The following SUGP2 variants were observed in gnomAD, a reference collection of about 807,000 sequenced individuals.
SUGP2 encodes the protein SURP and G-patch domain containing 2.
In SUGP2, 24 loss-of-function variants were observed where a neutral mutation model predicts 90.5. The ratio of observed to expected loss-of-function variants is 0.27; its 90% confidence interval spans 0.19 to 0.37. The LOEUF is 0.37. Ranked by LOEUF, SUGP2 falls within the 10% of genes least tolerant of loss-of-function variation. The probability of loss-of-function intolerance (pLI) is 1.00; values close to 1 mark genes in which losing one functional copy is unlikely to be tolerated. For synonymous variants in SUGP2, 473 were observed against 513.4 expected, an observed-to-expected ratio of 0.92 and a Z score of 1.06; for missense variants, 1,233 against 1,363.3, an observed-to-expected ratio of 0.90 and a Z score of 1.51.
Position 19,004,303 on chromosome 19 carries a change from C to A in SUGP2, c.2794G>T (p.Asp932Tyr). 6.2e-7 allele frequency: 1 copy of A among 1,613,760 alleles called. No homozygotes were observed. Among genetic ancestry groups the A allele is most frequent in the Non-Finnish European group, 8.5e-7 (1 of 1,179,720 alleles). ...DGLPGEAAED[D>Y]LAGAPALSQA... ...GACAAGGCAGGTGCTCCAGCCAGGT[C>A]GTCCTCGGCAGCCTCGCCGGGAAGG... Residue 932 changes from aspartate (D) to tyrosine (Y), a missense_variant, in exon 7 of 11, where the codon GAC (aspartate) becomes TAC (tyrosine). Asp to Tyr is a radical substitution (Grantham distance 160). Transcript: ENST00000452918.
At position 19,032,799 on chromosome 19, in the gene SUGP2, G is replaced by T. The variant is rs144605657; in HGVS notation, c.-12+638C>A. ...TAAAAAGATTAAGCAACATTTTGGG[G>T]TCCAGGGGCTGCATCCTTAACCATC... On this transcript the variant is annotated intron_variant, in intron 1 of 10. Transcript: ENST00000452918. 2.4e-3 allele frequency among the ~76,000 whole-genome samples: 371 copies of T among 152,252 alleles called. 3 individuals are homozygous for T. In the East Asian group the frequency reaches 0.035, roughly 14 times the overall value.
chr19:19,022,456 G>C (rs1336379030), intron 3 of SUGP2, among the ~76,000 whole-genome samples: 2 of 152,198 alleles, frequency 1.3e-5, no homozygotes, highest in Non-Finnish European at 1.5e-5. Flanking sequence ...GGCAGCATGA[G>C]TCCAGCATCA....
intron 4 of SUGP2, among the ~76,000 whole-genome samples, chr19:19,016,471 A>C (rs1279743571): frequency 6.6e-6 from 1 of 152,086 alleles, no homozygotes; most frequent in East Asian, 1.9e-4. Flanking sequence ...AGGGCCTCCT[A>C]TTCCTCCAGC....
intron 3 of SUGP2, among the ~76,000 whole-genome samples, chr19:19,020,059 A>T (rs894529911): frequency 7.0e-5 from 10 of 142,302 alleles, no homozygotes; most frequent in African/African-American, 2.4e-4. Flanking sequence ...TCACAAAAAA[A>T]AATAAATAAA....
In SUGP2 at chr19:19,025,586, T is replaced by A; in HGVS notation, c.762A>T (p.Lys254Asn). 1.2e-6 allele frequency: 2 copies of A among 1,613,958 alleles called. No homozygotes were observed. The highest frequency in any genetic ancestry group is 3.3e-5 in the Admixed American group (2 of 59,978). The change falls in exon 3 of 11, where the codon AAA (lysine) becomes AAT (asparagine). Residue 254 changes from lysine (K) to asparagine (N), a missense_variant. Lys to Asn is a moderately conservative substitution (Grantham distance 94, BLOSUM62 0). This residue lies in a region of SUGP2 where 418 missense variants were observed against 399.9 expected (regional missense o/e 1.05). Coordinates refer to ENST00000452918, the MANE Select transcript of SUGP2 (RefSeq NM_001017392.5). ...GAGTAATACGATTCACGGTGGGTAT[T>A]TTTTTTGTGCTCACATTTCTCAATG... is the stretch of plus-strand genomic sequence containing the variant. ...LVTLRNVSTK[K>N]IPTVNRITPK...
Position 19,025,385 on chromosome 19 carries a change from C to T in SUGP2, c.963G>A (p.Lys321=), listed in dbSNP as rs2058881159. The T allele has an allele frequency of 1.2e-6, 2 of 1,614,038 alleles. No homozygotes were observed. Among genetic ancestry groups the T allele is most frequent in the Non-Finnish European group, 1.7e-6 (2 of 1,180,026 alleles). ...TCCCAAATCTTGAAAAAACATCAGA[C>T]TTATCTATGATGTCAAAGCTCATCT... The part of the protein sequence containing the change: ...RRKMSFDIID[K]SDVFSRFGIE... The change falls in exon 3 of 11, where the codon AAG becomes AAA. Residue 321 remains lysine (K), a synonymous_variant. Coordinates refer to ENST00000452918, the MANE Select transcript of SUGP2 (RefSeq NM_001017392.5).
chr19:18,992,372 T>TG lies in SUGP2; in HGVS notation c.*1368dup. 9.0e-6 allele frequency: 1 copy of TG among 110,694 alleles called. No individual in the cohort carries two copies. The allele number at this position is 110,694 out of a possible 1,614,324, so 6.9% of individuals were successfully genotyped here. The stretch of plus-strand genomic sequence containing the variant: ...CCTTTTTTTTTTTTTTTTTTGGAGA[T>TG]GGAGTCTTGCTCTGTCGCCCAGGCT... On this transcript the variant is annotated 3_prime_UTR_variant, in exon 11 of 11. Transcript: ENST00000452918.
At chr19:19,011,280 T>A (rs1052480529) in intron 4 of SUGP2, among the ~76,000 whole-genome samples, 1 of 151,562 alleles carries the variant, frequency 6.6e-6, no homozygotes, top group Non-Finnish European at 1.5e-5. Context: ...CCCCAGTAGC[T>A]GGGACTACAG....
intron 4 of SUGP2, among the ~76,000 whole-genome samples, chr19:19,014,896 G>A (rs1341529544): frequency 6.6e-6 from 1 of 151,944 alleles, no homozygotes; most frequent in Non-Finnish European, 1.5e-5. Flanking sequence ...AAGCAACATA[G>A]GCTTATTAAG....
At chr19:19,028,318 T>C (rs898934486) in intron 2 of SUGP2, among the ~76,000 whole-genome samples, 4 of 152,158 alleles carry the variant, frequency 2.6e-5, no homozygotes, top group Non-Finnish European at 5.9e-5. Context: ...TCAGTGGTAC[T>C]CTGGAATTTA....
chr19:18,994,991 G>T (rs1221060698), intron 9 of SUGP2, 153 bp downstream of exon 9: 1 of 870,842 alleles, frequency 1.1e-6, no homozygotes, highest in Non-Finnish European at 1.8e-6. Flanking sequence ...ACATGTAAAT[G>T]ATCAGCTTCT....
intron 2 of SUGP2, 80 bp downstream of exon 2, chr19:19,030,871 A>AG: frequency 6.9e-7 from 1 of 1,452,122 alleles, no homozygotes; most frequent in Non-Finnish European, 9.3e-7. Flanking sequence ...TATTTGCCCA[A>AG]GGTATTGTAA....
chr19:18,997,335 A>G (rs1383462519), intron 8 of SUGP2, among the ~76,000 whole-genome samples: 3 of 151,072 alleles, frequency 2.0e-5, no homozygotes, highest in Non-Finnish European at 4.4e-5. Flanking sequence ...GCCTCAGGTC[A>G]GGAGGGAGGG....
Position 19,030,981 on chromosome 19 carries a change from C to T in SUGP2, c.91G>A (p.Val31Ile). 1 of 1,613,030 alleles carries T rather than the reference C, an allele frequency of 6.2e-7. No homozygotes were observed. Among genetic ancestry groups the T allele is most frequent in the South Asian group, 1.1e-5 (1 of 90,830 alleles). The change falls in exon 2 of 11, where the codon GTA (valine) becomes ATA (isoleucine). Residue 31 changes from valine (V) to isoleucine (I), a missense_variant. By Grantham distance (29) the Val-to-Ile change is conservative (BLOSUM62 3). Transcript: ENST00000452918. ...GCTTTAAACTGAAGAGTTTCGCTTA[C>T]AGCCTCACCACTGGCATCCATGTGA... Reference protein sequence around the residue: ...RYHMDASGEAVSETLQFKAQD... With the variant: ...RYHMDASGEAISETLQFKAQD...
intron 4 of SUGP2, among the ~76,000 whole-genome samples, chr19:19,014,947 A>G (rs2058442512): frequency 6.6e-6 from 1 of 152,174 alleles, no homozygotes; most frequent in Non-Finnish European, 1.5e-5. Context: ...CATGCCTGTA[A>G]TTCCAGCGCT....
chr19:19,001,510 G>T, intron 8 of SUGP2, 103 bp downstream of exon 8: 1 of 1,208,712 alleles, frequency 8.3e-7, no homozygotes, highest in African/African-American at 1.5e-5. Flanking sequence ...ACCTCAGTTT[G>T]AAATGTTAGC....
rs187600985 is a variant in SUGP2, at chr19:18,991,638, A to T, written c.*2103T>A. The T allele has an allele frequency of 6.6e-6, 1 of 152,412 alleles. No homozygotes were observed. The highest frequency in any genetic ancestry group is 1.9e-4 in the East Asian group (1 of 5,174). 9.4% of individuals were successfully genotyped at this position (152,412 alleles called of 1,614,324 possible). A position where few individuals can be genotyped will look rare whatever the true frequency, so the allele number is the denominator to read the frequency against. The stretch of plus-strand genomic sequence containing the variant: ...GAATGGTCAGGGCGATGCTGGAGAG[A>T]GTGCGCTTGATCCACGCTGCAGGTG... On this transcript the variant is annotated 3_prime_UTR_variant, in exon 11 of 11. Coordinates refer to ENST00000452918, the MANE Select transcript of SUGP2 (RefSeq NM_001017392.5).
rs375174157 is a variant in SUGP2 at position 19,010,251 on chromosome 19, C to T, written c.1942G>A (p.Asp648Asn). 1.2e-5 allele frequency: 19 copies of T among 1,613,950 alleles called. No homozygotes were observed. The highest frequency in any genetic ancestry group is 8.0e-5 in the African/African-American group (6 of 74,900). Residue 648 changes from aspartate (D) to asparagine (N), a missense_variant, in exon 5 of 11, where the codon GAC becomes AAC. By Grantham distance (23) the Asp-to-Asn change is conservative (BLOSUM62 1). Coordinates refer to ENST00000452918, the MANE Select transcript of SUGP2 (RefSeq NM_001017392.5). Reference sequence around the variant, plus strand: ...CAGTCTGCTGAGGTCGGCTTCTGGTCGGCTCCTCGCAAGTTCTCGCTCATC... The same window carrying T: ...CAGTCTGCTGAGGTCGGCTTCTGGTTGGCTCCTCGCAAGTTCTCGCTCATC... Reference protein sequence around the residue: ...QRMSENLRGADQKPTSADCAV... With the variant: ...QRMSENLRGANQKPTSADCAV...
rs1053768068 is a variant in SUGP2, at chr19:19,001,625, C to T, written c.2979G>A (p.Met993Ile). 3 of 1,614,100 alleles carry T rather than the reference C, an allele frequency of 1.9e-6. No individual in the cohort carries two copies. The highest frequency in any genetic ancestry group is 2.5e-6 in the Non-Finnish European group (3 of 1,180,046). The stretch of plus-strand genomic sequence containing the variant: ...TGATTACGCTCACCTTCTTTTTGGA[C>T]ATGGGACGACCCCGAGGCCTGTCAT... ...IAYDRPRGRPMSKKKKPKDLD... is the reference protein window; with the variant it reads ...IAYDRPRGRPISKKKKPKDLD... Residue 993 changes from methionine (M) to isoleucine (I), a missense_variant, in exon 8 of 11, where the codon ATG becomes ATA. Physicochemically the swap from Met to Ile is conservative, Grantham distance 10 (BLOSUM62 1). Around this residue, in one of 8 missense-constraint regions of SUGP2, gnomAD observed 105 missense variants for 155.2 expected, o/e 0.68. Coordinates refer to ENST00000452918, the MANE Select transcript of SUGP2 (RefSeq NM_001017392.5).
Sources: allele counts gnomAD v4.1 joint callset (sites outside exome capture counted in the v4.1 genomes callset), GRCh38; gene constraint gnomAD v4.1.1; regional missense constraint gnomAD v4.1.1; transcripts MANE v1.5; gene names NCBI Gene and HGNC (gene_info 2026-07-23, HGNC 2026-07-21).